NXPE3: variants seen among roughly 807,000 people sequenced by gnomAD.
The protein encoded by NXPE3 is NXPE family member 3.
In NXPE3, 26 loss-of-function variants were observed where a neutral mutation model predicts 46.1. The ratio of observed to expected loss-of-function variants is 0.56; its 90% confidence interval spans 0.41 to 0.78. The LOEUF (loss-of-function observed/expected upper bound fraction) is 0.78, where lower values mean the gene tolerates loss of function less well. Among genes scored for constraint, NXPE3 ranks in the 30% least tolerant of loss-of-function variants. The pLI is 0.00. For missense variants in NXPE3, 620 were observed against 686.0 expected (o/e 0.90, Z 1.07); for synonymous variants, 272 against 257.9 (o/e 1.05, Z -0.52).
At chr3:101,787,884 T>G (rs1326506249) in intron 4 of NXPE3, among the ~76,000 whole-genome samples, 2 of 152,332 alleles carry the variant, frequency 1.3e-5, no homozygotes, top group Non-Finnish European at 2.9e-5. Context: ...TCTTCAAGAC[T>G]CTGCTTTTAA....
At chr3:101,779,465 C>T (rs911266205) in intron 1 of NXPE3, 141 bp downstream of exon 1, 1 of 152,644 alleles carries the variant, frequency 6.6e-6, no homozygotes, top group East Asian at 1.9e-4. Context: ...TCCCCAGCCC[C>T]GTGCTGATAG....
Position 101,801,429 on chromosome 3 carries a change from C to T in NXPE3, c.288C>T (p.Pro96=), listed in dbSNP as rs1402903520. The change falls in exon 5 of 8, where the codon CCC becomes CCT. Residue 96 remains proline (P), a synonymous_variant. Coordinates refer to ENST00000273347, the MANE Select transcript of NXPE3 (RefSeq NM_145037.4). ...AGGTTCCTGATGTGGGCCCAGTCCC[C>T]TTTGTGAAGAGCACTGACCCTTCTT... is the stretch of plus-strand genomic sequence containing the variant. ...HRQVPDVGPV[P]FVKSTDPSSS... is the part of the protein sequence containing the mutation. 9 of 1,614,100 alleles carry T rather than the reference C, an allele frequency of 5.6e-6. No homozygotes were observed. Among genetic ancestry groups the T allele is most frequent in the Non-Finnish European group, 7.6e-6 (9 of 1,180,056 alleles).
At chr3:101,782,479 A>T (rs547583264) in intron 2 of NXPE3, among the ~76,000 whole-genome samples, 181 bp from the exon 3 acceptor site, 9 of 151,634 alleles carry the variant, frequency 5.9e-5, no homozygotes. Context: ...TTTTTTTTTT[A>T]CACTACAATT....
In NXPE3 at chr3:101,822,948, T is replaced by C. The variant is rs1055249648; in HGVS notation, c.*994T>C. ...AAATTCATGACAGTTTTTTGTTTGT[T>C]TGTTTGTTTGTTTTTTGGTATTTCT... On this transcript the variant is annotated 3_prime_UTR_variant, in exon 8 of 8. Transcript: ENST00000273347. 6.6e-6 allele frequency: 1 copy of C among 152,080 alleles called. No individual in the cohort carries two copies. The highest frequency in any genetic ancestry group is 6.5e-5 in the Admixed American group (1 of 15,268). The allele number at this position is 152,080 out of a possible 1,614,324, so 9.4% of individuals were successfully genotyped here. A position where few individuals can be genotyped will look rare whatever the true frequency, so the allele number is the denominator to read the frequency against.
At chr3:101,817,068 A>G in intron 7 of NXPE3, 67 bp downstream of exon 7, 2 of 1,364,820 alleles carry the variant, frequency 1.5e-6, no homozygotes, top group Non-Finnish European at 2.1e-6. Flanking sequence ...AGACTCACTC[A>G]GGTGCCTGAA....
At chr3:101,781,124 T>G (rs1177664111) in intron 1 of NXPE3, among the ~76,000 whole-genome samples, 1 of 152,028 alleles carries the variant, frequency 6.6e-6, no homozygotes, top group African/African-American at 2.4e-5. Context: ...AAATCTGTGC[T>G]TTTGTCTCTT....
intron 6 of NXPE3, among the ~76,000 whole-genome samples, chr3:101,810,017 G>A (rs1159927452): frequency 1.3e-5 from 2 of 152,160 alleles, no homozygotes; most frequent in East Asian, 3.8e-4. Flanking sequence ...TTCTTACAAG[G>A]TAAAACTATT....
chr3:101,813,661 C>T (rs1360507931), intron 6 of NXPE3, among the ~76,000 whole-genome samples: 1 of 152,196 alleles, frequency 6.6e-6, no homozygotes, highest in African/African-American at 2.4e-5. Flanking sequence ...GTTTAAACTT[C>T]TTCCTTCACC....
At position 101,822,963 on chromosome 3, in the gene NXPE3, T is replaced by C. The variant is rs1452891945; in HGVS notation, c.*1009T>C. The C allele has an allele frequency of 6.6e-6, 1 of 152,138 alleles. No individual in the cohort carries two copies. The highest frequency in any genetic ancestry group is 1.5e-5 in the Non-Finnish European group (1 of 68,030). The allele number at this position is 152,138 out of a possible 1,614,324, so 9.4% of individuals were successfully genotyped here. A position where few individuals can be genotyped will look rare whatever the true frequency, so the allele number is the denominator to read the frequency against. ...TTTTGTTTGTTTGTTTGTTTGTTTT[T>C]TGGTATTTCTTGATTTGGGCATAAA... On this transcript the variant is annotated 3_prime_UTR_variant, in exon 8 of 8. Transcript: ENST00000273347.
intron 7 of NXPE3, among the ~76,000 whole-genome samples, chr3:101,817,227 G>A (rs1022077409): frequency 6.6e-6 from 1 of 152,214 alleles, no homozygotes; most frequent in Non-Finnish European, 1.5e-5. Context: ...TTATGTCACT[G>A]ATGAGCTGTA....
At chr3:101,817,133 C>T (rs571739457) in intron 7 of NXPE3, 132 bp downstream of exon 7, 2 of 766,416 alleles carry the variant, frequency 2.6e-6, no homozygotes, top group Non-Finnish European at 4.5e-6. Context: ...AAGAGGTACC[C>T]AAACCCTGGA....
intron 3 of NXPE3, among the ~76,000 whole-genome samples, chr3:101,784,780 C>G (rs941892977): frequency 2.0e-5 from 3 of 152,186 alleles, no homozygotes; most frequent in Non-Finnish European, 4.4e-5. Context: ...CTTGACTTTC[C>G]TCTCCCACAT....
intron 6 of NXPE3, among the ~76,000 whole-genome samples, chr3:101,809,808 C>T (rs1347316402): frequency 6.6e-6 from 1 of 152,176 alleles, no homozygotes; most frequent in Non-Finnish European, 1.5e-5. Context: ...TTTTGTCATC[C>T]TGTGTGCTGT....
At chr3:101,789,805 C>T (rs529673032) in intron 4 of NXPE3, among the ~76,000 whole-genome samples, 1 of 152,174 alleles carries the variant, frequency 6.6e-6, no homozygotes, top group Non-Finnish European at 1.5e-5. Context: ...ATCCTCCCAC[C>T]TCCCCCTCCC....
chr3:101,780,617 G>T (rs1289006358), intron 1 of NXPE3, among the ~76,000 whole-genome samples: 1 of 152,144 alleles, frequency 6.6e-6, no homozygotes, highest in African/African-American at 2.4e-5. Flanking sequence ...TGATTTAATT[G>T]TTTGAGTGGG....
At chr3:101,807,175 G>C in intron 6 of NXPE3, 49 bp downstream of exon 6, 1 of 1,396,226 alleles carries the variant, frequency 7.2e-7, no homozygotes, top group Non-Finnish European at 1.0e-6. Flanking sequence ...TTACTAACTG[G>C]GTTGAGGCTC....
chr3:101,786,050 C>G (rs1031770563), intron 4 of NXPE3, among the ~76,000 whole-genome samples: 3 of 152,086 alleles, frequency 2.0e-5, no homozygotes, highest in African/African-American at 7.2e-5. Flanking sequence ...GAAGGAAAAA[C>G]CTCTTCAAGG....
Position 101,801,925 on chromosome 3 carries a change from A to T in NXPE3, c.784A>T (p.Thr262Ser), listed in dbSNP as rs148108023. The change falls in exon 5 of 8, where the codon ACC (threonine) becomes TCC (serine). Residue 262 changes from threonine (T) to serine (S), a missense_variant. Coordinates refer to ENST00000273347, the MANE Select transcript of NXPE3 (RefSeq NM_145037.4). ...GAAGCTCCCTTGCAGCAGCAGAATT[A>T]CCCATTTCAAAGGTGGATACCTGAA... ...PKKLPCSSRI[T>S]HFKGGYLKGL... 196 of 1,613,940 alleles carry T rather than the reference A, an allele frequency of 1.2e-4. No individual in the cohort carries two copies. The highest frequency in any genetic ancestry group is 1.6e-4 in the Non-Finnish European group (191 of 1,180,008).
chr3:101,808,242 T>C (rs550738597), intron 6 of NXPE3, among the ~76,000 whole-genome samples: 13 of 152,226 alleles, frequency 8.5e-5, no homozygotes, highest in African/African-American at 2.7e-4. Context: ...AGAATAGATA[T>C]AATTAGCTAT....
Sources: allele counts gnomAD v4.1 joint callset (sites outside exome capture counted in the v4.1 genomes callset), GRCh38; gene constraint gnomAD v4.1.1; transcripts MANE v1.5; gene names NCBI Gene and HGNC (gene_info 2026-07-23, HGNC 2026-07-21).